The following EVI5 variants were observed in gnomAD, a reference collection of about 807,000 sequenced individuals.
EVI5 encodes ecotropic viral integration site 5 protein homolog.
Under a neutral mutation model 112.0 loss-of-function variants are expected in EVI5, and 73 were observed. That is an observed-to-expected ratio of 0.65 (90% confidence interval 0.54 to 0.79). EVI5 has a LOEUF of 0.79. Among genes scored for constraint, EVI5 ranks in the 30% least tolerant of loss-of-function variants. The pLI is 0.00. For missense variants in EVI5, 900 were observed against 968.8 expected (o/e 0.93, Z 0.94); for synonymous variants, 305 against 319.9 (o/e 0.95, Z 0.50).
rs559979322 is a variant in EVI5 at position 92,685,382 on chromosome 1, C to T, written c.1098-8164G>A. 2.3e-3 allele frequency among the ~76,000 whole-genome samples: 349 copies of T among 152,296 alleles called. 2 individuals carry two copies. Among genetic ancestry groups the T allele is most frequent in the South Asian group, 0.014 (67 of 4,822 alleles). ...GAGAACAAACACAATGTACCAGAAT[C>T]TCTGGGACACATTTAAAGCAGTGTG... On this transcript the variant is annotated intron_variant, in intron 9 of 19. Coordinates refer to ENST00000684568, the MANE Select transcript of EVI5 (RefSeq NM_001350197.2).
intron 19 of EVI5, among the ~76,000 whole-genome samples, chr1:92,549,405 A>T (rs1389487697): frequency 6.6e-6 from 1 of 151,882 alleles, no homozygotes; most frequent in East Asian, 1.9e-4. Flanking sequence ...CTAGAAGAAA[A>T]CCTAGGCAAT....
chr1:92,757,521 TAC>T (rs1681125733), intron 1 of EVI5, among the ~76,000 whole-genome samples: 1 of 152,098 alleles, frequency 6.6e-6, no homozygotes, highest in African/African-American at 2.4e-5. Flanking sequence ...TAGATGATTC[TAC>T]ATAACTTCCT....
intron 2 of EVI5, among the ~76,000 whole-genome samples, chr1:92,705,158 A>C (rs1333832378): frequency 6.6e-6 from 1 of 152,210 alleles, no homozygotes; most frequent in Non-Finnish European, 1.5e-5. Context: ...GCTTAAAAGT[A>C]AGGCAGAGCC....
intron 10 of EVI5, among the ~76,000 whole-genome samples, chr1:92,673,105 T>A (rs922979863): frequency 9.9e-5 from 15 of 151,570 alleles, no homozygotes; most frequent in African/African-American, 3.6e-4. Flanking sequence ...TATTAAGGGC[T>A]AAATAAATGT....
At chr1:92,535,761 G>C (rs1663775595) in intron 19 of EVI5, among the ~76,000 whole-genome samples, 1 of 152,092 alleles carries the variant, frequency 6.6e-6, no homozygotes, top group Non-Finnish European at 1.5e-5. Context: ...GCCTGTCGTG[G>C]GGTGGGGGGC....
At chr1:92,516,259 G>A (rs1659854624) in intron 19 of EVI5, among the ~76,000 whole-genome samples, 1 of 152,170 alleles carries the variant, frequency 6.6e-6, no homozygotes, top group Non-Finnish European at 1.5e-5. Context: ...TAAAGGAGGA[G>A]TATGGCAGAA....
chr1:92,578,976 G>C (rs1364970661), intron 18 of EVI5, among the ~76,000 whole-genome samples: 1 of 152,128 alleles, frequency 6.6e-6, no homozygotes, highest in South Asian at 2.1e-4. Context: ...GTCTCGCAAA[G>C]TGCTGGTATT....
chr1:92,664,318 T>A (rs562629450), intron 11 of EVI5, among the ~76,000 whole-genome samples: 1 of 152,204 alleles, frequency 6.6e-6, no homozygotes, highest in African/African-American at 2.4e-5. Flanking sequence ...TATAGAATTC[T>A]AAGTGCTAAG....
chr1:92,621,697 C>T (rs1654631344), intron 16 of EVI5, among the ~76,000 whole-genome samples: 1 of 152,094 alleles, frequency 6.6e-6, no homozygotes, highest in Admixed American at 6.6e-5. Flanking sequence ...TGGTTTTTAG[C>T]CTATTGAGAG....
At chr1:92,647,730 G>T in intron 13 of EVI5, 1 of 196,430 alleles carries the variant, frequency 5.1e-6, no homozygotes, top group Non-Finnish European at 1.1e-5. Context: ...GAGGTAGGAG[G>T]TCAATAACAT....
chr1:92,591,324 G>A (rs1325348700), intron 18 of EVI5, among the ~76,000 whole-genome samples: 1 of 152,074 alleles, frequency 6.6e-6, no homozygotes, highest in Non-Finnish European at 1.5e-5. Context: ...CTGGCAAATT[G>A]GATAGAGTCA....
At chr1:92,548,643 C>T (rs1666225581) in intron 19 of EVI5, among the ~76,000 whole-genome samples, 2 of 152,218 alleles carry the variant, frequency 1.3e-5, no homozygotes, top group Admixed American at 6.5e-5. Context: ...GCAACTTCAG[C>T]AAAGTCTCAG....
At chr1:92,608,278 C>T (rs1033761286) in intron 16 of EVI5, among the ~76,000 whole-genome samples, 1 of 152,060 alleles carries the variant, frequency 6.6e-6, no homozygotes, top group African/African-American at 2.4e-5. Context: ...TAGGTGTAAA[C>T]TATAAAAATT....
intron 19 of EVI5, among the ~76,000 whole-genome samples, chr1:92,530,857 CA>C (rs1441194334): frequency 1.3e-5 from 2 of 151,814 alleles, no homozygotes; most frequent in Non-Finnish European, 2.9e-5. Flanking sequence ...CTGAAAATTC[CA>C]AAAACCAGAA....
At chr1:92,725,155 C>G (rs1437494867) in intron 2 of EVI5, among the ~76,000 whole-genome samples, 3 of 152,146 alleles carry the variant, frequency 2.0e-5, no homozygotes, top group Admixed American at 6.5e-5. Flanking sequence ...AAATATTCAG[C>G]TGGGAACTGA....
At chr1:92,623,952 T>A (rs1557925486) in intron 16 of EVI5, among the ~76,000 whole-genome samples, 2 of 152,224 alleles carry the variant, frequency 1.3e-5, no homozygotes, top group Admixed American at 6.5e-5. Context: ...AAAAGTCAAA[T>A]AAAATTTGAC....
At chr1:92,599,479 T>C (rs1031583167) in intron 18 of EVI5, among the ~76,000 whole-genome samples, 1 of 152,036 alleles carries the variant, frequency 6.6e-6, no homozygotes, top group Admixed American at 6.6e-5. Flanking sequence ...CAGGTTTTAA[T>C]GAAAGATCTA....
chr1:92,607,791 C>T (rs1401771142), intron 16 of EVI5, 64 bp from the exon 17 acceptor site: 9 of 1,109,076 alleles, frequency 8.1e-6, no homozygotes, highest in Non-Finnish European at 1.1e-5. Flanking sequence ...AAAAAAATTA[C>T]CTATCCATTT....
At chr1:92,624,403 G>T in intron 15 of EVI5, 69 bp from the exon 16 acceptor site, 3 of 1,249,020 alleles carry the variant, frequency 2.4e-6, no homozygotes, top group African/African-American at 1.5e-5. Flanking sequence ...ATTACTGAGC[G>T]CTTATTTCAG....
Sources: gnomAD v4.1 joint callset for allele counts (sites outside exome capture counted in the v4.1 genomes callset) on GRCh38, gnomAD v4.1.1 for gene constraint, MANE v1.5 for transcripts, NCBI Gene and HGNC (gene_info 2026-07-23, HGNC 2026-07-21) for gene names.